The following KLHL17 variants were observed in gnomAD, a reference collection of about 807,000 sequenced individuals.
The protein encoded by KLHL17 is kelch-like protein 17.
In KLHL17, 71 loss-of-function variants were observed where a neutral mutation model predicts 64.6. The observed-to-expected ratio is 1.10, with a 90% CI of 0.91 to 1.34. KLHL17 has a LOEUF of 1.34. Among genes scored for constraint, KLHL17 ranks in the 40% most tolerant of loss-of-function variants. KLHL17 has a pLI of 0.00. For synonymous variants in KLHL17, 612 were observed against 405.4 expected, an observed-to-expected ratio of 1.51 and a Z score of -6.12; for missense variants, 1,140 against 935.0, an observed-to-expected ratio of 1.22 and a Z score of -2.86.
Position 964,268 on chromosome 1 carries a change from C to T in KLHL17, c.1519-81C>T, listed in dbSNP as rs138507451. On this transcript the variant is annotated intron_variant, in intron 10 of 11. Coordinates refer to ENST00000338591, the MANE Select transcript of KLHL17 (RefSeq NM_198317.3). ...TTACCCACATCCCCCCCATTCCTGA[C>T]ACCCCACCCTGGAGTCGGGGCTGCG... is the stretch of plus-strand genomic sequence containing the variant. The T allele has an allele frequency of 1.4e-3, 2,280 of 1,592,684 alleles. 28 individuals are homozygous for T. In the African/African-American group the frequency reaches 0.028, roughly 20 times the overall value.
In KLHL17 at chr1:962,406, GTCTACCGAGCC is replaced by G. The variant is rs1557631093; in HGVS notation, c.764_774del (p.Val255GlyfsTer48). ...CCTGAACGTGCCTTCAGAGGAGGAGGTCTACCGAGCCGTCCTGAGCTGGGTGAAACACGACG... is the reference window on the plus strand; with the variant it reads ...CCTGAACGTGCCTTCAGAGGAGGAGGGTCCTGAGCTGGGTGAAACACGACG... On this transcript the variant is annotated frameshift_variant, in exon 5 of 12. Transcript: ENST00000338591. LOFTEE classifies it high-confidence loss of function. 6.2e-7 allele frequency: 1 copy of G among 1,612,804 alleles called. No homozygotes were observed. Among genetic ancestry groups the G allele is most frequent in the Non-Finnish European group, 8.5e-7 (1 of 1,179,942 alleles).
At position 962,023 on chromosome 1, in the gene KLHL17, G is replaced by T; in HGVS notation, c.687G>T (p.Glu229Asp). ...TCGTGGACGTGGCCAAGACCGAGGA[G>T]TTTATGCTGCTGCCCCTGAAACAGG... is the stretch of plus-strand genomic sequence containing the variant. ...QHFVDVAKTE[E>D]FMLLPLKQVL... The change falls in exon 4 of 12, where the codon GAG becomes GAT. Residue 229 changes from glutamate (E) to aspartate (D), a missense_variant. Coordinates refer to ENST00000338591, the MANE Select transcript of KLHL17 (RefSeq NM_198317.3). The T allele has an allele frequency of 1.2e-6, 2 of 1,612,892 alleles. No individual in the cohort carries two copies. Among genetic ancestry groups the T allele is most frequent in the Non-Finnish European group, 1.7e-6 (2 of 1,180,004 alleles).
chr1:962,237 C>A, intron 4 of KLHL17, 118 bp from the exon 5 acceptor site: 2 of 1,525,172 alleles, frequency 1.3e-6, no homozygotes, highest in Non-Finnish European at 9.0e-7. Context: ...TCTGCTCGGC[C>A]CCTCCCAGTA....
chr1:963,948 A>G lies in KLHL17; in HGVS notation c.1384A>G (p.Thr462Ala), dbSNP rs1483446365. The change falls in exon 9 of 12, where the codon ACG (threonine) becomes GCG (alanine). Residue 462 changes from threonine (T) to alanine (A), a missense_variant. Transcript: ENST00000338591. ...TGAACGCTACGACCCCCTGACCGGA[A>G]CGTGGACGTCCGTCGCTGCCATGAG... ...SAERYDPLTG[T>A]WTSVAAMSTR... 3.1e-6 allele frequency: 5 copies of G among 1,612,480 alleles called. No individual in the cohort carries two copies. The highest frequency in any genetic ancestry group is 4.2e-6 in the Non-Finnish European group (5 of 1,179,904).
At chr1:961,101 A>G (rs1403289817) in intron 1 of KLHL17, among the ~76,000 whole-genome samples, 192 bp from the exon 2 acceptor site, 2 of 150,330 alleles carry the variant, frequency 1.3e-5, no homozygotes, top group East Asian at 4.0e-4. Context: ...GCCCCAGGGG[A>G]GCAGGGGCGC....
Position 961,989 on chromosome 1 carries a change from T to G in KLHL17, c.653T>G (p.Leu218Arg). The G allele has an allele frequency of 1.2e-6, 2 of 1,612,934 alleles. No individual in the cohort carries two copies. Among genetic ancestry groups the G allele is most frequent in the South Asian group, 1.1e-5 (1 of 91,086 alleles). The change falls in exon 4 of 12, where the codon CTG (leucine) becomes CGG (arginine). Residue 218 changes from leucine to arginine, a missense_variant. Physicochemically the swap from Leu to Arg is moderately radical, Grantham distance 102 (BLOSUM62 -2). Coordinates refer to ENST00000338591, the MANE Select transcript of KLHL17 (RefSeq NM_198317.3). ...CTCAAGGCCGCCCACAGGTACGTGC[T>G]GCAGCACTTCGTGGACGTGGCCAAG... ...DLLKAAHRYV[L>R]QHFVDVAKTE...
In KLHL17 at chr1:964,429, C is replaced by T. The variant is rs1365520046; in HGVS notation, c.1599C>T (p.Tyr533=). Residue 533 remains tyrosine, a synonymous_variant, in exon 11 of 12, where the codon TAC becomes TAT. Transcript: ENST00000338591. The part of the protein sequence containing the change: ...AGVAVLEGAL[Y]VAGGNDGTSC... ...TGGCCGTGCTGGAGGGTGCCCTGTA[C>T]GTGGCAGGGGGCAACGACGGCACCA... 21 of 1,552,548 alleles carry T rather than the reference C, an allele frequency of 1.4e-5. No individual in the cohort carries two copies. Among genetic ancestry groups the T allele is most frequent in the African/African-American group, 2.7e-5 (2 of 73,054 alleles).
In KLHL17 at chr1:964,254, C is replaced by T. The variant is rs114053887; in HGVS notation, c.1518+74C>T. The T allele has an allele frequency of 2.3e-3, 3,594 of 1,595,504 alleles. 48 individuals carry two copies. The African/African-American group carries it at 0.037, about 16-fold the overall frequency. On this transcript the variant is annotated intron_variant, in intron 10 of 11. Transcript: ENST00000338591. ...CCTCCTCCCTCTGTTTACCCACATCCCCCCCATTCCTGACACCCCACCCTG... is the reference window on the plus strand; with the variant it reads ...CCTCCTCCCTCTGTTTACCCACATCTCCCCCATTCCTGACACCCCACCCTG...
Position 962,739 on chromosome 1 carries a change from C to A in KLHL17, c.864C>A (p.Arg288=), listed in dbSNP as rs79110607. 5 of 1,609,696 alleles carry A rather than the reference C, an allele frequency of 3.1e-6. No homozygotes were observed. The highest frequency in any genetic ancestry group is 1.1e-5 in the South Asian group (1 of 90,976). Reference sequence around the variant, plus strand: ...GTGTGCGGCTGCCCTTGCTGAGCCGCGACTTCCTGCTGGGCCACGTGGATG... The same window carrying A: ...GTGTGCGGCTGCCCTTGCTGAGCCGAGACTTCCTGCTGGGCCACGTGGATG... ...MKCVRLPLLS[R]DFLLGHVDAE... The change falls in exon 6 of 12, where the codon CGC becomes CGA. Residue 288 remains arginine, a synonymous_variant. Coordinates refer to ENST00000338591, the MANE Select transcript of KLHL17 (RefSeq NM_198317.3).
intron 7 of KLHL17, 41 bp from the exon 8 acceptor site, chr1:963,296 C>T (rs762942537): frequency 3.1e-5 from 49 of 1,599,396 alleles, no homozygotes; most frequent in South Asian, 4.4e-5. Flanking sequence ...GGCACGTGCC[C>T]GCCAGGCCAG....
chr1:962,120 CGTTT>C, intron 4 of KLHL17, 73 bp downstream of exon 4: 1 of 1,400,750 alleles, frequency 7.1e-7, no homozygotes, highest in Non-Finnish European at 9.9e-7. Flanking sequence ...CTCCCGACCC[CGTTT>C]TGTTCCTGAC....
rs933839756 is a variant in KLHL17, at chr1:962,426, C to T, written c.783C>T (p.Ser261=). The T allele has an allele frequency of 2.5e-6, 4 of 1,612,642 alleles. No individual in the cohort carries two copies. The highest frequency in any genetic ancestry group is 3.4e-6 in the Non-Finnish European group (4 of 1,179,944). ...AGGAGGTCTACCGAGCCGTCCTGAG[C>T]TGGGTGAAACACGACGTGGACGCCC... is the stretch of plus-strand genomic sequence containing the variant. ...SEEEVYRAVL[S]WVKHDVDARR... is the part of the protein sequence containing the mutation. The change falls in exon 5 of 12, where the codon AGC becomes AGT. Residue 261 remains serine (S), a synonymous_variant. Transcript: ENST00000338591.
rs13302981 is a variant in KLHL17, at chr1:964,656, C to T, written c.1700+126C>T. The T allele has an allele frequency of 2.3e-5, 10 of 443,214 alleles. 2 individuals carry two copies. The highest frequency in any genetic ancestry group is 1.8e-4 in the East Asian group (5 of 27,182). 27.5% of individuals were successfully genotyped at this position (443,214 alleles called of 1,614,324 possible). A position where few individuals can be genotyped will look rare whatever the true frequency, so the allele number is the denominator to read the frequency against. On this transcript the variant is annotated intron_variant, in intron 11 of 11. Coordinates refer to ENST00000338591, the MANE Select transcript of KLHL17 (RefSeq NM_198317.3). Reference sequence around the variant, plus strand: ...CGGGTCCGCAGTGGGGATGTGCTGCCGGGAGGGGGGCGCGGGTCCGCAGTG... The same window carrying T: ...CGGGTCCGCAGTGGGGATGTGCTGCTGGGAGGGGGGCGCGGGTCCGCAGTG...
chr1:960,640 G>T lies in KLHL17; in HGVS notation c.-54G>T, dbSNP rs1642593901. The T allele has an allele frequency of 7.7e-7, 1 of 1,298,236 alleles. No individual in the cohort carries two copies. The highest frequency in any genetic ancestry group is 1.6e-5 in the African/African-American group (1 of 63,400). The allele number at this position is 1,298,236 out of a possible 1,614,324, so 80.4% of individuals were successfully genotyped here. Reference sequence around the variant, plus strand: ...GCCGAGCAGCCCTCCGGCAGTCTCCGCGTCCGTTAAGCCCGCGGGTCCTCC... The same window carrying T: ...GCCGAGCAGCCCTCCGGCAGTCTCCTCGTCCGTTAAGCCCGCGGGTCCTCC... On this transcript the variant is annotated 5_prime_UTR_variant, in exon 1 of 12. Transcript: ENST00000338591.
chr1:962,530 G>A (rs1642706361), intron 5 of KLHL17, 59 bp downstream of exon 5: 7 of 1,594,768 alleles, frequency 4.4e-6, no homozygotes, highest in East Asian at 2.2e-5. Flanking sequence ...GGTGGCTGAG[G>A]GCCTGGTGCA....
rs752647951 is a variant in KLHL17, at chr1:963,938, C to T, written c.1374C>T (p.Pro458=). ...CCCACAGTGCTGAACGCTACGACCCCCTGACCGGAACGTGGACGTCCGTCG... is the reference window on the plus strand; with the variant it reads ...CCCACAGTGCTGAACGCTACGACCCTCTGACCGGAACGTGGACGTCCGTCG... ...SCLNSAERYD[P]LTGTWTSVAA... is the part of the protein sequence containing the mutation. Residue 458 remains proline, a synonymous_variant, in exon 9 of 12, where the codon CCC becomes CCT. Transcript: ENST00000338591. The T allele has an allele frequency of 1.3e-5, 21 of 1,612,458 alleles. No individual in the cohort carries two copies. In the Admixed American group the frequency reaches 2.0e-4, roughly 15 times the overall value.
chr1:963,553 G>A (rs764225616), intron 8 of KLHL17, 49 bp downstream of exon 8: 7 of 1,547,336 alleles, frequency 4.5e-6, no homozygotes, highest in South Asian at 2.4e-5. Flanking sequence ...ATCTGCAAGA[G>A]GCAAGTTTGT....
intron 1 of KLHL17, 60 bp downstream of exon 1, chr1:960,860 T>C: frequency 1.0e-6 from 1 of 961,154 alleles, no homozygotes; most frequent in Non-Finnish European, 1.2e-6. Flanking sequence ...GCCCCCGCCC[T>C]CGCGTCCGCT....
chr1:962,656 C>A, intron 5 of KLHL17, 48 bp from the exon 6 acceptor site: 1 of 1,543,340 alleles, frequency 6.5e-7, no homozygotes, highest in Non-Finnish European at 8.7e-7. Flanking sequence ...CCCTGACGCC[C>A]AGTGTGCCCG....
Sources: gnomAD v4.1 joint callset for allele counts (sites outside exome capture counted in the v4.1 genomes callset) on GRCh38, gnomAD v4.1.1 for gene constraint, MANE v1.5 for transcripts, NCBI Gene and HGNC (gene_info 2026-07-23, HGNC 2026-07-21) for gene names.